The following DPH6 variants were observed in gnomAD, a reference collection of about 807,000 sequenced individuals.
The protein encoded by DPH6 is diphthine--ammonia ligase.
Under a neutral mutation model 38.2 loss-of-function variants are expected in DPH6, and 33 were observed. That is an observed-to-expected ratio of 0.86 (90% CI 0.65 to 1.15). The LOEUF is 1.15. Among genes scored for constraint, DPH6 ranks in the 50% most tolerant of loss-of-function variants. The probability of loss-of-function intolerance (pLI) is 0.00; values close to 1 mark genes in which losing one functional copy is unlikely to be tolerated. For missense variants in DPH6, 325 were observed against 320.0 expected, an observed-to-expected ratio of 1.02 and a Z score of -0.12; for synonymous variants, 108 against 103.0, an observed-to-expected ratio of 1.05 and a Z score of -0.30.
intron 3 of DPH6, among the ~76,000 whole-genome samples, chr15:35,532,824 C>G (rs2055107977): frequency 6.6e-6 from 1 of 152,024 alleles, no homozygotes; most frequent in African/African-American, 2.4e-5. Flanking sequence ...GAAGAATTGG[C>G]TGGGCACGGT....
chr15:35,273,632 C>T (rs1400967810), intron 3 of DPH6, among the ~76,000 whole-genome samples: 3 of 152,134 alleles, frequency 2.0e-5, no homozygotes, highest in Admixed American at 2.0e-4. Flanking sequence ...AGAGCCAAAT[C>T]CTGAGTGAAC....
chr15:35,370,863 C>T (rs558328862), downstream of DPH6: 2 of 151,698 alleles, frequency 1.3e-5, no homozygotes, highest in Non-Finnish European at 3.0e-5. Context: ...AAAAACTTAT[C>T]TTCACACAAA....
At chr15:35,250,460 A>G (rs1397760001) in intron 3 of DPH6, among the ~76,000 whole-genome samples, 1 of 152,184 alleles carries the variant, frequency 6.6e-6, no homozygotes, top group African/African-American at 2.4e-5. Flanking sequence ...ATTAATATTC[A>G]TGTAACATGG....
chr15:35,246,751 A>G (rs1296281009), intron 3 of DPH6, among the ~76,000 whole-genome samples: 2 of 152,226 alleles, frequency 1.3e-5, no homozygotes, highest in African/African-American at 4.8e-5. Context: ...CTGTGACTGT[A>G]GGAGGCATGG....
chr15:35,273,293 AC>A (rs1340502217), intron 3 of DPH6, among the ~76,000 whole-genome samples: 2 of 151,672 alleles, frequency 1.3e-5, no homozygotes, highest in Non-Finnish European at 2.9e-5. Flanking sequence ...TTTATCCTTC[AC>A]CCCCTTCTCA....
At chr15:35,438,906 G>A (rs1187073844) in intron 5 of DPH6, among the ~76,000 whole-genome samples, 1 of 152,170 alleles carries the variant, frequency 6.6e-6, no homozygotes, top group Non-Finnish European at 1.5e-5. Context: ...GTTTAAACAA[G>A]TTGTGGAAGG....
downstream of DPH6, among the ~76,000 whole-genome samples, chr15:35,216,573 C>T (rs1005954072): frequency 6.6e-6 from 1 of 152,178 alleles, no homozygotes; most frequent in African/African-American, 2.4e-5. Flanking sequence ...ATTATTCTAT[C>T]ACAGGTTACA....
intron 3 of DPH6, among the ~76,000 whole-genome samples, chr15:35,348,906 T>A (rs2052485035): frequency 6.6e-6 from 1 of 152,180 alleles, no homozygotes; most frequent in Admixed American, 6.6e-5. Context: ...CTTTTTGATA[T>A]CATTGTAAAT....
chr15:35,448,545 A>C (rs2053886600), intron 5 of DPH6, among the ~76,000 whole-genome samples: 1 of 152,170 alleles, frequency 6.6e-6, no homozygotes. Context: ...TCCTGAAAAA[A>C]AGGATGTTCT....
chr15:35,206,398 T>C, the DPH6 span, among the ~76,000 whole-genome samples: 1 of 152,168 alleles, frequency 6.6e-6, no homozygotes, highest in African/African-American at 2.4e-5. Context: ...GGAAATCTAT[T>C]GAGAGTAGAA....
intron 3 of DPH6, among the ~76,000 whole-genome samples, chr15:35,353,912 G>T (rs1292702183): frequency 2.6e-5 from 4 of 152,178 alleles, no homozygotes. Flanking sequence ...CTATCCATAA[G>T]CATGGAATGT....
intron 3 of DPH6, among the ~76,000 whole-genome samples, chr15:35,499,879 T>C (rs546094570): frequency 6.6e-6 from 1 of 152,260 alleles, no homozygotes; most frequent in African/African-American, 2.4e-5. Context: ...GCCAGGCCAG[T>C]AGAAGCAAGA....
intron 3 of DPH6, among the ~76,000 whole-genome samples, chr15:35,331,718 G>A (rs2052328297): frequency 6.6e-6 from 1 of 152,148 alleles, no homozygotes; most frequent in Admixed American, 6.6e-5. Flanking sequence ...CAATTCTACT[G>A]GGGATTTTCT....
chr15:35,145,738 G>C, the DPH6 span, among the ~76,000 whole-genome samples: 164 of 152,244 alleles, frequency 1.1e-3, no homozygotes, highest in African/African-American at 3.9e-3. Flanking sequence ...TTCTGGGGTA[G>C]TAACCTTAGC....
At chr15:35,147,594 G>C in the DPH6 span, among the ~76,000 whole-genome samples, 5 of 152,138 alleles carry the variant, frequency 3.3e-5, no homozygotes, top group Non-Finnish European at 7.4e-5. Flanking sequence ...ATCCAGACTT[G>C]TGAAAGATTT....
chr15:35,464,802 T>G (rs953855770), intron 3 of DPH6, among the ~76,000 whole-genome samples: 1 of 152,162 alleles, frequency 6.6e-6, no homozygotes, highest in Non-Finnish European at 1.5e-5. Context: ...TCAAAACCAG[T>G]GCACTAAAGT....
Position 35,410,818 on chromosome 15 carries a change from C to T in DPH6, c.567+17G>A. ...CCTTTAGATGGCTACATTTTGAGAT[C>T]TAGTATAAATTCTTACCTCTATGAG... On this transcript the variant is annotated intron_variant, in intron 6 of 8. Coordinates refer to ENST00000256538, the MANE Select transcript of DPH6 (RefSeq NM_080650.4). 6 of 1,575,002 alleles carry T rather than the reference C, an allele frequency of 3.8e-6. No individual in the cohort carries two copies. The highest frequency in any genetic ancestry group is 5.2e-6 in the Non-Finnish European group (6 of 1,163,566).
At chr15:35,219,897 T>G (rs1055832870) in exon 4 of DPH6, 18 of 152,176 alleles carry the variant, frequency 1.2e-4, no homozygotes, top group African/African-American at 4.3e-4. Flanking sequence ...GTTTCATAAT[T>G]TAGATAAGTA....
chr15:35,179,633 A>C, the DPH6 span, among the ~76,000 whole-genome samples: 1 of 152,316 alleles, frequency 6.6e-6, no homozygotes, highest in South Asian at 2.1e-4. Flanking sequence ...ACAGATAGAA[A>C]TGAGACAGGA....
Sources: gnomAD v4.1 joint callset for allele counts (sites outside exome capture counted in the v4.1 genomes callset) on GRCh38, gnomAD v4.1.1 for gene constraint, MANE v1.5 for transcripts, NCBI Gene and HGNC (gene_info 2026-07-23, HGNC 2026-07-21) for gene names.